Variants in ERBB4 observed in about 807,000 individuals in gnomAD.
ERBB4 encodes the protein erb-b2 receptor tyrosine kinase 4.
Under a neutral mutation model 158.0 loss-of-function variants are expected in ERBB4, and 42 were observed. The ratio of observed to expected loss-of-function variants is 0.27; its 90% CI spans 0.21 to 0.34. ERBB4 has a LOEUF of 0.34. ERBB4 is among the 10% of genes least tolerant of loss of function. The pLI is 1.00. For missense variants in ERBB4, 1,333 were observed against 1,624.1 expected (o/e 0.82, Z 3.08); for synonymous variants, 583 against 558.7 (o/e 1.04, Z -0.61).
chr2:211,626,514 A>G (rs988800806), intron 17 of ERBB4, among the ~76,000 whole-genome samples: 1 of 152,206 alleles, frequency 6.6e-6, no homozygotes, highest in Non-Finnish European at 1.5e-5. Flanking sequence ...TGGTGGTAGA[A>G]AATCATATTT....
chr2:211,683,550 T>C (rs908220665), intron 12 of ERBB4, among the ~76,000 whole-genome samples: 3 of 152,200 alleles, frequency 2.0e-5, no homozygotes, highest in African/African-American at 7.2e-5. Context: ...TTTCATAGTA[T>C]GGGTTACTAC....
intron 15 of ERBB4, among the ~76,000 whole-genome samples, chr2:211,660,767 T>C (rs1467105482): frequency 2.0e-5 from 3 of 152,144 alleles, no homozygotes; most frequent in Non-Finnish European, 2.9e-5. Context: ...AGGCTGAAGA[T>C]GGAAACCCAA....
Position 211,889,045 on chromosome 2 carries a change from C to T in ERBB4, c.421+58385G>A, listed in dbSNP as rs1293563611. Among the ~76,000 whole-genome samples the T allele has an allele frequency of 1.5e-4, 22 of 142,244 alleles. 2 individuals carry two copies. The highest frequency in any genetic ancestry group is 4.3e-4 in the African/African-American group (15 of 34,770). The allele number at this position is 142,244 out of a possible 152,430, so 93.3% of individuals were successfully genotyped here. A position where few individuals can be genotyped will look rare whatever the true frequency, so the allele number is the denominator to read the frequency against. ...GGAAGCTCGAACTGGGTAGAGCCCA[C>T]CACAGCTCAAGAAGGCCTGCCTGCC... On this transcript the variant is annotated intron_variant, in intron 3 of 27. Coordinates refer to ENST00000342788, the MANE Select transcript of ERBB4 (RefSeq NM_005235.3).
chr2:212,059,951 T>G (rs2077708983), intron 2 of ERBB4, among the ~76,000 whole-genome samples: 1 of 152,122 alleles, frequency 6.6e-6, no homozygotes, highest in African/African-American at 2.4e-5. Flanking sequence ...TGGGATCTAA[T>G]TAAACTAAAG....
Position 211,479,742 on chromosome 2 carries a change from G to A in ERBB4, c.2488-48642C>T, listed in dbSNP as rs2065037635. On this transcript the variant is annotated intron_variant, in intron 20 of 27. Transcript: ENST00000342788. ...AATGAATCTGGGACTACTGCTGTGT[G>A]TCCATCTGTTAGAACCAATCACAAT... is the stretch of plus-strand genomic sequence containing the variant. Among the ~76,000 whole-genome samples, 3 of 152,082 alleles carry A rather than the reference G, an allele frequency of 2.0e-5. 1 individual carries two copies. The highest frequency in any genetic ancestry group is 1.3e-4 in the Admixed American group (2 of 15,250).
intron 1 of ERBB4, among the ~76,000 whole-genome samples, chr2:212,212,995 G>T (rs1367715089): frequency 6.6e-6 from 1 of 152,036 alleles, no homozygotes; most frequent in African/African-American, 2.4e-5. Flanking sequence ...TACCATTCAG[G>T]ACATAGGCAT....
At chr2:211,386,677 A>C (rs1027313565) in intron 27 of ERBB4, among the ~76,000 whole-genome samples, 176 bp downstream of exon 27, 1 of 152,190 alleles carries the variant, frequency 6.6e-6, no homozygotes. Context: ...AAATAATAAT[A>C]AATAATGTGG....
At chr2:212,081,847 A>G (rs926947688) in intron 2 of ERBB4, among the ~76,000 whole-genome samples, 4 of 152,114 alleles carry the variant, frequency 2.6e-5, no homozygotes, top group African/African-American at 9.7e-5. Flanking sequence ...TTTTATATGT[A>G]ACATTAATTT....
At chr2:212,486,063 A>G (rs1000030033) in intron 1 of ERBB4, among the ~76,000 whole-genome samples, 4 of 152,064 alleles carry the variant, frequency 2.6e-5, no homozygotes, top group Admixed American at 6.6e-5. Context: ...TACTCAAGAA[A>G]CATTGGCCCT....
rs528620747 is a variant in ERBB4, at chr2:212,220,279, A to G, written c.83-95376T>C. On this transcript the variant is annotated intron_variant, in intron 1 of 27. Coordinates refer to ENST00000342788, the MANE Select transcript of ERBB4 (RefSeq NM_005235.3). ...AAATCACTTTCACCTACTATATTTC[A>G]TATTTGCTACAAATTACTTAATGTC... Among the ~76,000 whole-genome samples, 4 of 151,558 alleles carry G rather than the reference A, an allele frequency of 2.6e-5. No homozygotes were observed. In the South Asian group the frequency reaches 8.3e-4, roughly 31 times the overall value.
intron 1 of ERBB4, among the ~76,000 whole-genome samples, chr2:212,255,710 A>G (rs1375127138): frequency 6.6e-6 from 1 of 152,144 alleles, no homozygotes; most frequent in Non-Finnish European, 1.5e-5. Context: ...TTTGAATGTC[A>G]CATTGGTGCT....
chr2:211,415,777 A>T (rs1325800872), intron 25 of ERBB4, among the ~76,000 whole-genome samples: 1 of 152,242 alleles, frequency 6.6e-6, no homozygotes, highest in Admixed American at 6.5e-5. Context: ...AATTTTTGAG[A>T]TACCAAACTT....
intron 9 of ERBB4, among the ~76,000 whole-genome samples, chr2:211,709,235 G>GTATA (rs773229423): frequency 2.0e-4 from 21 of 103,208 alleles, no homozygotes; most frequent in African/African-American, 7.3e-4. Flanking sequence ...GCGTGTGTGT[G>GTATA]TATATATATA....
rs538900268 is a variant in ERBB4, at chr2:211,390,236, G to A, written c.3136-2244C>T. On this transcript the variant is annotated intron_variant, in intron 25 of 27. Coordinates refer to ENST00000342788, the MANE Select transcript of ERBB4 (RefSeq NM_005235.3). ...CTACAGTGAAAGCACAGGCACTGTGGTAGATGCCAGCAATACCACCATATA... is the reference window on the plus strand; with the variant it reads ...CTACAGTGAAAGCACAGGCACTGTGATAGATGCCAGCAATACCACCATATA... Among the ~76,000 whole-genome samples, 5 of 152,278 alleles carry A rather than the reference G, an allele frequency of 3.3e-5. No individual in the cohort carries two copies. In the East Asian group the frequency reaches 9.7e-4, roughly 29 times the overall value.
intron 2 of ERBB4, among the ~76,000 whole-genome samples, chr2:211,968,307 T>C (rs2081357434): frequency 2.6e-5 from 4 of 152,048 alleles, no homozygotes; most frequent in Admixed American, 2.6e-4. Flanking sequence ...AAAATCATTT[T>C]TCTTGTTCTG....
chr2:212,094,136 T>G (rs1049454029), intron 2 of ERBB4, among the ~76,000 whole-genome samples: 2 of 151,984 alleles, frequency 1.3e-5, no homozygotes, highest in African/African-American at 4.8e-5. Flanking sequence ...AGGTGGGGCC[T>G]GGTGGGAGGC....
intron 2 of ERBB4, among the ~76,000 whole-genome samples, chr2:212,012,117 C>T (rs2076402739): frequency 6.6e-6 from 1 of 152,068 alleles, no homozygotes; most frequent in Non-Finnish European, 1.5e-5. Flanking sequence ...TAATTCATTG[C>T]AGTTATTGTT....
chr2:212,213,717 A>T (rs189150170), intron 1 of ERBB4, among the ~76,000 whole-genome samples: 3 of 152,036 alleles, frequency 2.0e-5, no homozygotes, highest in Admixed American at 1.3e-4. Context: ...AAGGCTCTTC[A>T]AAAGCAGGGT....
chr2:212,180,453 C>T (rs531514917), intron 1 of ERBB4, among the ~76,000 whole-genome samples: 154 of 151,728 alleles, frequency 1.0e-3, no homozygotes, highest in Non-Finnish European at 1.7e-3. Context: ...ACTCCTCTCC[C>T]TTTCCAGTTT....
Sources: allele counts gnomAD v4.1 joint callset (sites outside exome capture counted in the v4.1 genomes callset), GRCh38; gene constraint gnomAD v4.1.1; transcripts MANE v1.5; gene names NCBI Gene and HGNC (gene_info 2026-07-23, HGNC 2026-07-21).